The following CFAP90 variants were observed in gnomAD, a reference collection of about 807,000 sequenced individuals.
CFAP90 encodes the protein cilia- and flagella-associated protein 90.
chr5:7,835,552 G>A, the CFAP90 span: 1 of 1,027,568 alleles, frequency 9.7e-7, no homozygotes, highest in Non-Finnish European at 1.5e-6. Context: ...CTGGGTCATT[G>A]AGGCCCGATG....
the CFAP90 span, among the ~76,000 whole-genome samples, chr5:7,838,330 TAA>T: frequency 6.6e-6 from 1 of 151,980 alleles, no homozygotes; most frequent in South Asian, 2.1e-4. Flanking sequence ...ATGAAAACTT[TAA>T]AAAAAACATT....
chr5:7,836,385 G>A, the CFAP90 span, among the ~76,000 whole-genome samples: 44 of 152,282 alleles, frequency 2.9e-4, no homozygotes, highest in African/African-American at 1.0e-3. Context: ...AAGGGCAGAC[G>A]TCTTCTCTGC....
chr5:7,842,306 C>G, the CFAP90 span, among the ~76,000 whole-genome samples: 1 of 87,282 alleles, frequency 1.1e-5, no homozygotes, highest in Non-Finnish European at 2.2e-5. Flanking sequence ...GTAAGTTCTA[C>G]AAGAAAGAAA....
chr5:7,837,964 T>A, the CFAP90 span, among the ~76,000 whole-genome samples: 1 of 152,166 alleles, frequency 6.6e-6, no homozygotes, highest in Non-Finnish European at 1.5e-5. Flanking sequence ...GACACAAGCA[T>A]CTCTTATTAT....
the CFAP90 span, among the ~76,000 whole-genome samples, chr5:7,848,836 C>T: frequency 4.6e-5 from 7 of 152,142 alleles, no homozygotes; most frequent in African/African-American, 1.7e-4. Flanking sequence ...TTCATGCTGC[C>T]ACGTGAAGGA....
the CFAP90 span, chr5:7,835,568 C>T: frequency 1.4e-5 from 12 of 885,952 alleles, no homozygotes; most frequent in Non-Finnish European, 2.0e-5. Flanking sequence ...CGATGGAGCA[C>T]AGAGGCCAGT....
At chr5:7,847,506 A>G in the CFAP90 span, among the ~76,000 whole-genome samples, 3 of 151,822 alleles carry the variant, frequency 2.0e-5, no homozygotes, top group Non-Finnish European at 4.4e-5. Context: ...TGCAGGTCAC[A>G]TGGTCTCTGC....
the CFAP90 span, among the ~76,000 whole-genome samples, chr5:7,837,053 A>AT: frequency 2.0e-3 from 303 of 152,290 alleles, 2 homozygotes; most frequent in African/African-American, 6.8e-3. Context: ...ATCATAGGTG[A>AT]TAAGTGTAAC....
At chr5:7,834,657 T>C in the CFAP90 span, among the ~76,000 whole-genome samples, 1 of 152,122 alleles carries the variant, frequency 6.6e-6, no homozygotes, top group Non-Finnish European at 1.5e-5. Flanking sequence ...CACAAGTGTA[T>C]CATTTTTATC....
chr5:7,835,403 C>T, the CFAP90 span: 12 of 1,596,710 alleles, frequency 7.5e-6, no homozygotes, highest in East Asian at 2.2e-4. Flanking sequence ...CATGAAGTCC[C>T]AGGCTTTTTG....
At chr5:7,847,647 C>T in the CFAP90 span, among the ~76,000 whole-genome samples, 1 of 152,168 alleles carries the variant, frequency 6.6e-6, no homozygotes, top group Non-Finnish European at 1.5e-5. Context: ...GGTTTACTGA[C>T]CCCAGCATTA....
the CFAP90 span, among the ~76,000 whole-genome samples, chr5:7,841,380 G>A: frequency 2.0e-5 from 3 of 152,178 alleles, no homozygotes; most frequent in African/African-American, 7.2e-5. Flanking sequence ...GTTGGTGGGA[G>A]TGTAAATGAA....
the CFAP90 span, chr5:7,850,948 T>G: frequency 1.5e-6 from 2 of 1,342,824 alleles, no homozygotes; most frequent in African/African-American, 3.0e-5. Context: ...GAAGGCGGAC[T>G]GCGCCGAGAC....
chr5:7,848,533 T>A, the CFAP90 span, among the ~76,000 whole-genome samples: 1 of 152,200 alleles, frequency 6.6e-6, no homozygotes, highest in South Asian at 2.1e-4. Flanking sequence ...AATCAAGCAG[T>A]TGGCTGTGAA....
At chr5:7,833,854 TA>T in the CFAP90 span, among the ~76,000 whole-genome samples, 1 of 152,196 alleles carries the variant, frequency 6.6e-6, no homozygotes, top group Admixed American at 6.5e-5. Context: ...AAGGATGTCA[TA>T]ACTGTTGTCA....
chr5:7,846,282 C>T, the CFAP90 span, among the ~76,000 whole-genome samples: 2 of 152,146 alleles, frequency 1.3e-5, no homozygotes, highest in South Asian at 4.1e-4. Context: ...ACACACACTA[C>T]TGTGTGTCAC....
the CFAP90 span, among the ~76,000 whole-genome samples, chr5:7,842,266 T>G: frequency 1.3e-5 from 2 of 151,604 alleles, no homozygotes; most frequent in African/African-American, 4.8e-5. Context: ...TTTAAAGCAT[T>G]AATTCACTCT....
At chr5:7,840,275 C>T in the CFAP90 span, among the ~76,000 whole-genome samples, 92 of 152,324 alleles carry the variant, frequency 6.0e-4, no homozygotes, top group African/African-American at 2.1e-3. Flanking sequence ...GTGACCTCCA[C>T]CCCTGATCCT....
the CFAP90 span, among the ~76,000 whole-genome samples, chr5:7,842,977 T>C: frequency 6.6e-6 from 1 of 152,160 alleles, no homozygotes; most frequent in Non-Finnish European, 1.5e-5. Flanking sequence ...TGTGTTTCCA[T>C]AGCACATCCT....
Sources: gnomAD v4.1 joint callset for allele counts (sites outside exome capture counted in the v4.1 genomes callset) on GRCh38, gnomAD v4.1.1 for gene constraint, MANE v1.5 for transcripts, NCBI Gene and HGNC (gene_info 2026-07-23, HGNC 2026-07-21) for gene names.